CABIN1: variants seen among roughly 807,000 people sequenced by gnomAD.
CABIN1 encodes the protein calcineurin binding protein 1, also known as calcineurin-binding protein cabin-1.
In CABIN1, 133 loss-of-function variants were observed where a neutral mutation model predicts 227.7. The observed-to-expected ratio is 0.58, with a 90% CI of 0.51 to 0.67. The LOEUF is 0.67. Ranked by LOEUF, CABIN1 falls within the 30% of genes least tolerant of loss-of-function variation. CABIN1 has a pLI of 0.00. For missense variants in CABIN1, 2,408 were observed against 2,852.5 expected, an observed-to-expected ratio of 0.84 and a Z score of 3.55; for synonymous variants, 1,086 against 1,155.1, an observed-to-expected ratio of 0.94 and a Z score of 1.21.
At chr22:24,066,594 C>T (rs577315047) in intron 15 of CABIN1, among the ~76,000 whole-genome samples, 3 of 152,304 alleles carry the variant, frequency 2.0e-5, no homozygotes, top group Non-Finnish European at 2.9e-5. Context: ...CTGCATGTAG[C>T]GTATGACAAC....
rs1433142586 is a variant in CABIN1, at chr22:24,027,159, A to C, written c.-74-8285A>C. The stretch of plus-strand genomic sequence containing the variant: ...ATTGTAAATGATATTCTTTTTTTCA[A>C]TTTTGATTTCTAGTGTTTATTGCTA... On this transcript the variant is annotated intron_variant, in intron 1 of 36. Coordinates refer to ENST00000263119, the MANE Select transcript of CABIN1 (RefSeq NM_012295.4). 5.9e-5 allele frequency among the ~76,000 whole-genome samples: 9 copies of C among 152,070 alleles called. No individual in the cohort carries two copies. In the South Asian group the frequency reaches 1.9e-3, roughly 32 times the overall value.
intron 15 of CABIN1, among the ~76,000 whole-genome samples, chr22:24,064,559 C>T (rs1192200272): frequency 5.9e-5 from 7 of 117,672 alleles, no homozygotes; most frequent in Admixed American, 1.0e-4. Context: ...GGGTGTTTCT[C>T]GCAGAGGGGG....
intron 1 of CABIN1, among the ~76,000 whole-genome samples, chr22:24,019,117 G>GTTTTT (rs1316351102): frequency 4.1e-5 from 4 of 97,964 alleles, no homozygotes; most frequent in Middle Eastern, 8.1e-3. Context: ...TTCACTGAGT[G>GTTTTT]TTGTTTTTTT....
In CABIN1 at chr22:24,095,955, A is replaced by G; in HGVS notation, c.3811A>G (p.Ile1271Val). 1.2e-6 allele frequency: 2 copies of G among 1,614,094 alleles called. No individual in the cohort carries two copies. The highest frequency in any genetic ancestry group is 1.7e-6 in the Non-Finnish European group (2 of 1,179,998). Residue 1271 changes from isoleucine (I) to valine (V), a missense_variant, in exon 25 of 37, where the codon ATC (isoleucine) becomes GTC (valine). This residue lies in a region of CABIN1 where 649 missense variants were observed against 910.3 expected (regional missense o/e 0.71). Transcript: ENST00000263119. The part of the protein sequence containing the change: ...LEVYFRLHAS[I>V]LKLLGKPDSG... ...GGTGTACTTTCGGCTCCATGCTTCC[A>G]TCCTGAAGCTCCTGGGGAAGCCCGA...
chr22:24,055,261 A>G (rs2038697889), intron 9 of CABIN1, 102 bp downstream of exon 9: 1 of 1,330,780 alleles, frequency 7.5e-7, no homozygotes, highest in Middle Eastern at 2.4e-4. Flanking sequence ...CAGAAGGGTC[A>G]TGCTGATGCT....
chr22:24,162,081 T>G (rs1014706598), intron 29 of CABIN1: 19 of 152,384 alleles, frequency 1.2e-4, no homozygotes, highest in African/African-American at 4.3e-4. Context: ...CAGCTCCACC[T>G]GGTGTAGGCA....
intron 23 of CABIN1, among the ~76,000 whole-genome samples, chr22:24,088,316 A>G (rs2041306855): frequency 1.3e-5 from 2 of 152,190 alleles, no homozygotes; most frequent in Admixed American, 6.5e-5. Context: ...CGTCTTTAAA[A>G]AAATTACTCT....
At chr22:24,130,154 G>A (rs182528339) in intron 28 of CABIN1, among the ~76,000 whole-genome samples, 14 of 152,364 alleles carry the variant, frequency 9.2e-5, no homozygotes, top group African/African-American at 2.4e-4. Flanking sequence ...CAAGGAAAAT[G>A]TGCCGTTATC....
chr22:24,158,837 T>C (rs2045986824), intron 29 of CABIN1, among the ~76,000 whole-genome samples: 1 of 152,104 alleles, frequency 6.6e-6, no homozygotes, highest in Admixed American at 6.5e-5. Context: ...TGGCATAAAC[T>C]CTCCAATGCC....
intron 29 of CABIN1, among the ~76,000 whole-genome samples, chr22:24,138,371 AT>A (rs1390193061): frequency 6.6e-6 from 1 of 152,126 alleles, no homozygotes; most frequent in African/African-American, 2.4e-5. Context: ...TGCCCAGCCA[AT>A]TTTTAAGTTT....
Position 24,035,392 on chromosome 22 carries a change from C to G in CABIN1, c.-74-52C>G, listed in dbSNP as rs2036789978. 1.8e-5 allele frequency: 23 copies of G among 1,301,746 alleles called. No homozygotes were observed. The Middle Eastern group carries it at 1.1e-3, about 64-fold the overall frequency. 80.6% of individuals were successfully genotyped at this position (1,301,746 alleles called of 1,614,324 possible). ...TTCCTGGTGGACCTTGGCACTGTGA[C>G]CTTCCTGGCTCTTCATAGGCCTTGT... On this transcript the variant is annotated intron_variant, in intron 1 of 36. Coordinates refer to ENST00000263119, the MANE Select transcript of CABIN1 (RefSeq NM_012295.4).
At chr22:24,093,540 C>T (rs1348839963) in intron 24 of CABIN1, among the ~76,000 whole-genome samples, 3 of 146,686 alleles carry the variant, frequency 2.0e-5, no homozygotes, top group Non-Finnish European at 4.5e-5. Context: ...GAGACCCTGT[C>T]TCAAAAAAGA....
chr22:24,054,855 G>A lies in CABIN1; in HGVS notation c.807-18G>A. 6.2e-7 allele frequency: 1 copy of A among 1,614,148 alleles called. No individual in the cohort carries two copies. The highest frequency in any genetic ancestry group is 8.5e-7 in the Non-Finnish European group (1 of 1,180,024). On this transcript the variant is annotated intron_variant, in intron 8 of 36. Coordinates refer to ENST00000263119, the MANE Select transcript of CABIN1 (RefSeq NM_012295.4). ...TCTGACAGGGTGGTGATCAGGTGTT[G>A]TGGCCCTCTCCCTTTAGCTGGAAGT...
At position 24,038,300 on chromosome 22, in the gene CABIN1, A is replaced by G. The variant is rs140353413; in HGVS notation, c.97-48A>G. 4.0e-4 allele frequency: 599 copies of G among 1,508,424 alleles called. 7 individuals carry two copies. The East Asian group carries it at 0.013, about 32-fold the overall frequency. The allele number at this position is 1,508,424 out of a possible 1,614,324, so 93.4% of individuals were successfully genotyped here. On this transcript the variant is annotated intron_variant, in intron 3 of 36. Coordinates refer to ENST00000263119, the MANE Select transcript of CABIN1 (RefSeq NM_012295.4). Reference sequence around the variant, plus strand: ...CTTACACACATTTTTGGCTTAAAAAAGACAGATCTTTATGCTGTATGAAAA... The same window carrying G: ...CTTACACACATTTTTGGCTTAAAAAGGACAGATCTTTATGCTGTATGAAAA...
chr22:24,133,407 A>G (rs185289633), intron 28 of CABIN1, among the ~76,000 whole-genome samples: 71 of 152,348 alleles, frequency 4.7e-4, no homozygotes, highest in African/African-American at 1.2e-3. Flanking sequence ...TTGCAGGCCA[A>G]GAAGTGAGAG....
chr22:24,174,548 G>A (rs1000094878), intron 34 of CABIN1, among the ~76,000 whole-genome samples: 6 of 152,136 alleles, frequency 3.9e-5, no homozygotes, highest in Admixed American at 3.3e-4. Flanking sequence ...GCCTGGGGCT[G>A]TCTTGCCTTG....
At chr22:24,064,287 C>T in intron 15 of CABIN1, 100 bp downstream of exon 15, 1 of 1,273,258 alleles carries the variant, frequency 7.9e-7, no homozygotes, top group Admixed American at 1.8e-5. Flanking sequence ...CTCACTGCAA[C>T]CTACACCTCT....
At chr22:24,061,428 C>A (rs1026698613) in intron 12 of CABIN1, among the ~76,000 whole-genome samples, 2 of 152,242 alleles carry the variant, frequency 1.3e-5, no homozygotes, top group Admixed American at 1.3e-4. Context: ...CTCAGGGCAA[C>A]CTCCTGGCAG....
intron 23 of CABIN1, among the ~76,000 whole-genome samples, chr22:24,089,948 C>T (rs1437334974): frequency 6.6e-6 from 1 of 152,226 alleles, no homozygotes; most frequent in Admixed American, 6.5e-5. Flanking sequence ...GGAACACCTG[C>T]CATCAGCCAT....
Sources: allele counts gnomAD v4.1 joint callset (sites outside exome capture counted in the v4.1 genomes callset), GRCh38; gene constraint gnomAD v4.1.1; regional missense constraint gnomAD v4.1.1; transcripts MANE v1.5; gene names NCBI Gene and HGNC (gene_info 2026-07-23, HGNC 2026-07-21).